Variants in TRPC1 observed in about 807,000 individuals in gnomAD.
TRPC1 encodes short transient receptor potential channel 1.
Under a neutral mutation model 88.2 loss-of-function variants are expected in TRPC1, and 42 were observed. That is an observed-to-expected ratio of 0.48 (90% confidence interval 0.37 to 0.62). The LOEUF (loss-of-function observed/expected upper bound fraction) is 0.62. Among genes scored for constraint, TRPC1 ranks in the 20% least tolerant of loss-of-function variants. TRPC1 has a pLI of 0.00. For missense variants in TRPC1, 699 were observed against 957.3 expected, an observed-to-expected ratio of 0.73 and a Z score of 3.56; for synonymous variants, 288 against 331.8, an observed-to-expected ratio of 0.87 and a Z score of 1.43.
chr3:142,780,445 A>C (rs1194694281), intron 5 of TRPC1, among the ~76,000 whole-genome samples: 1 of 152,252 alleles, frequency 6.6e-6, no homozygotes, highest in Admixed American at 6.5e-5. Flanking sequence ...GGATAGCATT[A>C]AGATATTATG....
At chr3:142,802,567 G>A (rs1289623259) in intron 10 of TRPC1, among the ~76,000 whole-genome samples, 1 of 151,990 alleles carries the variant, frequency 6.6e-6, no homozygotes, top group Non-Finnish European at 1.5e-5. Context: ...CTTCCCTACT[G>A]CAGTCTATCT....
At position 142,767,582 on chromosome 3, in the gene TRPC1, ATATAT is replaced by A. The variant is rs1035064729; in HGVS notation, c.633-10044_633-10040del. ...TTTGTTAAGATATCTTTATATATAA[ATATAT>A]TATATATAAATAAATTATATATCTT... On this transcript the variant is annotated intron_variant, in intron 4 of 12. Coordinates refer to ENST00000476941, the MANE Select transcript of TRPC1 (RefSeq NM_001251845.2). The surrounding 1 kb of genome is among the most constrained non-coding windows in gnomAD (Gnocchi z 5.1). 4.0e-4 allele frequency among the ~76,000 whole-genome samples: 59 copies of A among 148,030 alleles called. No individual in the cohort carries two copies. The highest frequency in any genetic ancestry group is 5.6e-4 in the African/African-American group (23 of 40,926).
At position 142,724,767 on chromosome 3, in the gene TRPC1, T is replaced by A. The variant is rs752391265; in HGVS notation, c.172+36T>A. The stretch of plus-strand genomic sequence containing the variant: ...GGCCCCTTTCTCCTCTGGACGCCCC[T>A]GTCCTCCAGACCTTTAGTCCTCTCC... On this transcript the variant is annotated intron_variant, in intron 1 of 12. Transcript: ENST00000476941. The surrounding 1 kb of genome is among the most constrained non-coding windows in gnomAD (Gnocchi z 5.6). The A allele has an allele frequency of 1.2e-5, 18 of 1,520,580 alleles. No homozygotes were observed. Among genetic ancestry groups the A allele is most frequent in the Admixed American group, 1.9e-5 (1 of 52,282 alleles). 94.2% of individuals were successfully genotyped at this position (1,520,580 alleles called of 1,614,324 possible).
At chr3:142,735,746 T>A (rs1287465583) in intron 1 of TRPC1, among the ~76,000 whole-genome samples, 1 of 152,128 alleles carries the variant, frequency 6.6e-6, no homozygotes, top group African/African-American at 2.4e-5. Context: ...TCCCTGGCCA[T>A]TTAATCTAAT....
At chr3:142,769,395 G>A (rs1283640361) in intron 4 of TRPC1, among the ~76,000 whole-genome samples, 1 of 152,032 alleles carries the variant, frequency 6.6e-6, no homozygotes, top group Non-Finnish European at 1.5e-5. Context: ...GTCTTTCAGT[G>A]TTGCGCAGGC....
At chr3:142,800,207 T>G (rs1936576339) in intron 9 of TRPC1, among the ~76,000 whole-genome samples, 1 of 152,190 alleles carries the variant, frequency 6.6e-6, no homozygotes, top group South Asian at 2.1e-4. Context: ...TTCTTCTCCT[T>G]CTTACATATT....
intron 2 of TRPC1, 44 bp from the exon 3 acceptor site, chr3:142,743,440 CT>C (rs1284834125): frequency 1.5e-6 from 2 of 1,334,434 alleles, no homozygotes; most frequent in Non-Finnish European, 2.0e-6. Flanking sequence ...AGTAGTTTAC[CT>C]TTTTATCTTC....
At position 142,806,307 on chromosome 3, in the gene TRPC1, G is replaced by A; in HGVS notation, c.*72G>A. ...AAGACTATATTGCATAACTTGCAAT[G>A]AAATTAATGAGATATATATTGAAAT... On this transcript the variant is annotated 3_prime_UTR_variant, in exon 13 of 13. Coordinates refer to ENST00000476941, the MANE Select transcript of TRPC1 (RefSeq NM_001251845.2). 9.0e-7 allele frequency: 1 copy of A among 1,107,996 alleles called. No individual in the cohort carries two copies. The highest frequency in any genetic ancestry group is 1.6e-5 in the South Asian group (1 of 61,938). 68.6% of individuals were successfully genotyped at this position (1,107,996 alleles called of 1,614,324 possible). A position where few individuals can be genotyped will look rare whatever the true frequency, so the allele number is the denominator to read the frequency against.
Position 142,806,371 on chromosome 3 carries a change from G to A in TRPC1, c.*136G>A. 1 of 752,890 alleles carries A rather than the reference G, an allele frequency of 1.3e-6. No homozygotes were observed. The highest frequency in any genetic ancestry group is 2.1e-6 in the Non-Finnish European group (1 of 481,416). The allele number at this position is 752,890 out of a possible 1,614,324, so 46.6% of individuals were successfully genotyped here. On this transcript the variant is annotated 3_prime_UTR_variant, in exon 13 of 13. Coordinates refer to ENST00000476941, the MANE Select transcript of TRPC1 (RefSeq NM_001251845.2). ...AAAGCCATTCTTTAAAATATTTATA[G>A]CATAAATATATGTTATGTAAAGTGT... is the stretch of plus-strand genomic sequence containing the variant.
chr3:142,780,711 AC>A, intron 5 of TRPC1, 122 bp from the exon 6 acceptor site: 1 of 1,016,948 alleles, frequency 9.8e-7, no homozygotes, highest in Non-Finnish European at 1.4e-6. Flanking sequence ...ACAGAAAATG[AC>A]TTCAGATTTT....
chr3:142,736,446 A>G lies in TRPC1; in HGVS notation c.240A>G (p.Val80=), dbSNP rs1252282402. 4 of 1,612,778 alleles carry G rather than the reference A, an allele frequency of 2.5e-6. No homozygotes were observed. Among genetic ancestry groups the G allele is most frequent in the Non-Finnish European group, 3.4e-6 (4 of 1,179,550 alleles). Residue 80 remains valine (V), a synonymous_variant, in exon 2 of 13, where the codon GTA becomes GTG. Transcript: ENST00000476941. ...NSSGDLNINC[V]DVLGRNAVTI... ...CAGGTGACTTGAACATAAATTGCGT[A>G]GATGTGCTTGGGAGAAATGCTGTTA... is the stretch of plus-strand genomic sequence containing the variant.
intron 9 of TRPC1, among the ~76,000 whole-genome samples, chr3:142,794,567 G>A (rs921535371): frequency 6.6e-6 from 1 of 152,162 alleles, no homozygotes; most frequent in African/African-American, 2.4e-5. Context: ...ACTGCTTTGT[G>A]AGAATTTTTA....
intron 4 of TRPC1, among the ~76,000 whole-genome samples, chr3:142,773,227 T>G (rs1935636894): frequency 6.6e-6 from 1 of 152,148 alleles, no homozygotes; most frequent in Non-Finnish European, 1.5e-5. Context: ...TAGTCTTTTT[T>G]TTTGAGATGG....
intron 9 of TRPC1, among the ~76,000 whole-genome samples, chr3:142,794,891 A>G (rs1936406316): frequency 6.6e-6 from 1 of 152,168 alleles, no homozygotes; most frequent in African/African-American, 2.4e-5. Context: ...AAATGTGTTC[A>G]TTAAAACCTA....
chr3:142,764,309 A>G (rs1442216609), intron 4 of TRPC1, among the ~76,000 whole-genome samples: 2 of 152,034 alleles, frequency 1.3e-5, no homozygotes, highest in African/African-American at 4.8e-5. Flanking sequence ...ATACAGTAAT[A>G]GATTATTCTG....
rs1172545596 is a variant in TRPC1, at chr3:142,752,285, AAGG to A, written c.632+3828_632+3830del. Reference sequence around the variant, plus strand: ...TGTAGTAGGAGAGCAGGGTGATAATAAGGAGAAGGTCAACAAAATACATGTGAG... The same window carrying A: ...TGTAGTAGGAGAGCAGGGTGATAATAAGAAGGTCAACAAAATACATGTGAG... On this transcript the variant is annotated intron_variant, in intron 4 of 12. Coordinates refer to ENST00000476941, the MANE Select transcript of TRPC1 (RefSeq NM_001251845.2). Among the ~76,000 whole-genome samples, 3 of 152,402 alleles carry A rather than the reference AAGG, an allele frequency of 2.0e-5. No individual in the cohort carries two copies. The East Asian group carries it at 5.8e-4, about 29-fold the overall frequency.
At chr3:142,761,129 A>C (rs1244051004) in intron 4 of TRPC1, among the ~76,000 whole-genome samples, 1 of 152,030 alleles carries the variant, frequency 6.6e-6, no homozygotes, top group Non-Finnish European at 1.5e-5. Context: ...TATTATGTTG[A>C]ATAATAGTGG....
Position 142,736,476 on chromosome 3 carries a change from A to G in TRPC1, c.270A>G (p.Ile90Met), listed in dbSNP as rs755610745. 2.5e-6 allele frequency: 4 copies of G among 1,612,378 alleles called. No homozygotes were observed. In the East Asian group the frequency reaches 8.9e-5, roughly 36 times the overall value. The change falls in exon 2 of 13, where the codon ATA becomes ATG. Residue 90 changes from isoleucine (I) to methionine (M), a missense_variant. Around this residue, in one of 4 missense-constraint regions of TRPC1, gnomAD observed 157 missense variants for 127.0 expected, o/e 1.24. Transcript: ENST00000476941. ...VDVLGRNAVT[I>M]TIENENLDIL... ...TGCTTGGGAGAAATGCTGTTACCAT[A>G]ACTATTGAAAACGAAAACTTGGATA...
intron 4 of TRPC1, among the ~76,000 whole-genome samples, chr3:142,759,658 T>A (rs1935111100): frequency 6.6e-6 from 1 of 152,248 alleles, no homozygotes; most frequent in Non-Finnish European, 1.5e-5. Flanking sequence ...GGTTGTAGTT[T>A]CTTTTGCTGT....
Sources: allele counts gnomAD v4.1 joint callset (sites outside exome capture counted in the v4.1 genomes callset), GRCh38; gene constraint gnomAD v4.1.1; regional missense constraint gnomAD v4.1.1; non-coding constraint Gnocchi (gnomAD v3.1); transcripts MANE v1.5; gene names NCBI Gene and HGNC (gene_info 2026-07-23, HGNC 2026-07-21).